The following TNNI1 variants were observed in gnomAD, a reference collection of about 807,000 sequenced individuals.
TNNI1 encodes troponin I1, slow skeletal type.
In TNNI1, 14 loss-of-function variants were observed where a neutral mutation model predicts 26.7. That is an observed-to-expected ratio of 0.52 (90% CI 0.35 to 0.82). TNNI1 has a LOEUF of 0.82. TNNI1 is among the 40% of genes least tolerant of loss of function. The pLI, the probability that TNNI1 is intolerant of heterozygous loss-of-function variation, is 0.01. For missense variants in TNNI1, 164 were observed against 257.0 expected (o/e 0.64, Z 2.47); for synonymous variants, 79 against 98.2 (o/e 0.80, Z 1.16).
chr1:201,417,421 C>G (rs762463670), intron 2 of TNNI1, among the ~76,000 whole-genome samples: 2 of 152,172 alleles, frequency 1.3e-5, no homozygotes, highest in Non-Finnish European at 2.9e-5. Context: ...CGTAGGGTTC[C>G]AGCAACGTGA....
chr1:201,414,381 A>G, intron 5 of TNNI1, 137 bp downstream of exon 5: 1 of 701,250 alleles, frequency 1.4e-6, no homozygotes, highest in Non-Finnish European at 2.2e-6. Context: ...ATTAAATGAG[A>G]CCATGTAAGG....
intron 1 of TNNI1, among the ~76,000 whole-genome samples, chr1:201,418,312 T>C (rs1238367509): frequency 6.6e-6 from 1 of 151,760 alleles, no homozygotes; most frequent in Non-Finnish European, 1.5e-5. Flanking sequence ...CTACTAATGA[T>C]ACAAAAATTA....
intron 7 of TNNI1, 76 bp from the exon 8 acceptor site, chr1:201,410,511 G>A (rs1662614894): frequency 7.8e-7 from 1 of 1,277,390 alleles, no homozygotes; most frequent in Non-Finnish European, 1.1e-6. Context: ...CTGGGTGATA[G>A]GAAACCAGTC....
chr1:201,411,134 A>G lies in TNNI1; in HGVS notation c.456+223T>C, dbSNP rs1662626779. ...CTCCGTCTGGGGTCTAGCTTTCTTT[A>G]TGTCCTAGTTTCTTCGTCAGACTGG... On this transcript the variant is annotated intron_variant, in intron 7 of 8. Transcript: ENST00000361379. This position sits in a 1 kb window ranked among gnomAD's most constrained non-coding sequence, Gnocchi z 4.6. Among the ~76,000 whole-genome samples the G allele has an allele frequency of 6.6e-6, 1 of 152,190 alleles. No individual in the cohort carries two copies. Among genetic ancestry groups the G allele is most frequent in the South Asian group, 2.1e-4 (1 of 4,830 alleles).
At chr1:201,416,779 C>A (rs1264338430) in intron 3 of TNNI1, among the ~76,000 whole-genome samples, 1 of 152,134 alleles carries the variant, frequency 6.6e-6, no homozygotes, top group Non-Finnish European at 1.5e-5. Flanking sequence ...TAGGATGGTC[C>A]CCCCAGGACT....
At position 201,411,148 on chromosome 1, in the gene TNNI1, T is replaced by A. The variant is rs1160621624; in HGVS notation, c.456+209A>T. Among the ~76,000 whole-genome samples, 3 of 152,226 alleles carry A rather than the reference T, an allele frequency of 2.0e-5. No individual in the cohort carries two copies. The highest frequency in any genetic ancestry group is 4.4e-5 in the Non-Finnish European group (3 of 68,038). On this transcript the variant is annotated intron_variant, in intron 7 of 8. Transcript: ENST00000361379. This position sits in a 1 kb window ranked among gnomAD's most constrained non-coding sequence, Gnocchi z 4.6. ...TAGCTTTCTTTATGTCCTAGTTTCT[T>A]CGTCAGACTGGGAACAGCCTGAAGG...
intron 8 of TNNI1, 67 bp downstream of exon 8, chr1:201,410,259 T>G: frequency 7.1e-7 from 1 of 1,415,082 alleles, no homozygotes; most frequent in South Asian, 1.2e-5. Flanking sequence ...CGCCTGCCCA[T>G]TGTGGACTCC....
In TNNI1 at chr1:201,406,271, G is replaced by A. The variant is rs1213496223; in HGVS notation, c.*2982C>T. 2 of 152,060 alleles carry A rather than the reference G, an allele frequency of 1.3e-5. No individual in the cohort carries two copies. Among genetic ancestry groups the A allele is most frequent in the African/African-American group, 4.8e-5 (2 of 41,346 alleles). The allele number at this position is 152,060 out of a possible 1,614,324, so 9.4% of individuals were successfully genotyped here. A position where few individuals can be genotyped will look rare whatever the true frequency, so the allele number is the denominator to read the frequency against. ...CATCTGTAAATTTGAGCTAACAAAT[G>A]TACCATTTTTGTGAGAATGCAATGA... On this transcript the variant is annotated 3_prime_UTR_variant, in exon 9 of 9. Coordinates refer to ENST00000361379, the MANE Select transcript of TNNI1 (RefSeq NM_003281.4).
At position 201,414,493 on chromosome 1, in the gene TNNI1, G is replaced by C. The variant is rs950673240; in HGVS notation, c.189+25C>G. 9.1e-6 allele frequency: 14 copies of C among 1,545,304 alleles called. No individual in the cohort carries two copies. The Admixed American group carries it at 9.4e-5, about 10-fold the overall frequency. On this transcript the variant is annotated intron_variant, in intron 5 of 8. Coordinates refer to ENST00000361379, the MANE Select transcript of TNNI1 (RefSeq NM_003281.4). ...CACACAGCACCTCCAGCCCCACCCTGCCCCGCCCCACCTGCCAGGCTAACC... is the reference window on the plus strand; with the variant it reads ...CACACAGCACCTCCAGCCCCACCCTCCCCCGCCCCACCTGCCAGGCTAACC...
At chr1:201,415,517 G>A (rs144028526) in intron 3 of TNNI1, among the ~76,000 whole-genome samples, 1 of 152,250 alleles carries the variant, frequency 6.6e-6, no homozygotes, top group African/African-American at 2.4e-5. Flanking sequence ...AAGATACTAT[G>A]AGGGCCACAT....
At chr1:201,414,345 T>C (rs1483524287) in intron 5 of TNNI1, among the ~76,000 whole-genome samples, 173 bp downstream of exon 5, 1 of 152,256 alleles carries the variant, frequency 6.6e-6, no homozygotes, top group Non-Finnish European at 1.5e-5. Context: ...GAATCTAATG[T>C]TCCCACCTCA....
At position 201,414,666 on chromosome 1, in the gene TNNI1, T is replaced by C; in HGVS notation, c.58-17A>G. Reference sequence around the variant, plus strand: ...CATCAGGCTCTGGACAGGACACACCTGCTGAGCTGGGGGCCTCACATCTCC... The same window carrying C: ...CATCAGGCTCTGGACAGGACACACCCGCTGAGCTGGGGGCCTCACATCTCC... On this transcript the variant is annotated splice_polypyrimidine_tract_variant and intron_variant, in intron 4 of 8. Transcript: ENST00000361379. 6.2e-7 allele frequency: 1 copy of C among 1,608,864 alleles called. No individual in the cohort carries two copies. Among genetic ancestry groups the C allele is most frequent in the South Asian group, 1.1e-5 (1 of 90,212 alleles).
chr1:201,410,344 G>T lies in TNNI1; in HGVS notation c.548C>A (p.Ser183Tyr), dbSNP rs753583757. 8.7e-6 allele frequency: 14 copies of T among 1,614,006 alleles called. No individual in the cohort carries two copies. The highest frequency in any genetic ancestry group is 1.2e-5 in the Non-Finnish European group (14 of 1,180,024). ...GRKKMFDAAK[S>Y]PTSQ is the part of the protein sequence containing the mutation. ...TAGGTACCTCTATTGTGAGGTCGGA[G>T]ACTTGGCGGCATCAAACATCTTCTT... The change falls in exon 8 of 9, where the codon TCT (serine) becomes TAT (tyrosine). Residue 183 changes from serine to tyrosine, a missense_variant. This residue lies in a region of TNNI1 where 43 missense variants were observed against 74.3 expected (regional missense o/e 0.58). Coordinates refer to ENST00000361379, the MANE Select transcript of TNNI1 (RefSeq NM_003281.4).
At chr1:201,412,989 C>T (rs970597666) in intron 6 of TNNI1, 43 bp downstream of exon 6, 1 of 1,597,946 alleles carries the variant, frequency 6.3e-7, no homozygotes, top group Non-Finnish European at 8.6e-7. Flanking sequence ...CATGCCCCTG[C>T]CCAACCCATT....
In TNNI1 at chr1:201,405,962, C is replaced by G. The variant is rs918915699; in HGVS notation, c.*3291G>C. On this transcript the variant is annotated 3_prime_UTR_variant, in exon 9 of 9. Transcript: ENST00000361379. ...TATCCCTCCACTCTCAGCCAGGGCC[C>G]CATGTTGGAGGAAGGCCTCACCTTA... The G allele has an allele frequency of 6.6e-6, 1 of 152,574 alleles. No homozygotes were observed. Among genetic ancestry groups the G allele is most frequent in the Non-Finnish European group, 1.5e-5 (1 of 68,314 alleles). 9.5% of individuals were successfully genotyped at this position (152,574 alleles called of 1,614,324 possible).
intron 1 of TNNI1, 51 bp from the exon 2 acceptor site, chr1:201,417,863 C>T (rs1258020414): frequency 3.1e-6 from 4 of 1,287,304 alleles, no homozygotes; most frequent in Admixed American, 3.1e-5. Flanking sequence ...ACCCCTGCCC[C>T]TGCCCAGCTG....
chr1:201,417,209 TCA>T, intron 2 of TNNI1, 90 bp from the exon 3 acceptor site: 1 of 1,565,102 alleles, frequency 6.4e-7, no homozygotes, highest in African/African-American at 1.4e-5. Context: ...TCGCAGAACC[TCA>T]CAGACCAGCT....
At position 201,409,085 on chromosome 1, in the gene TNNI1, C is replaced by T. The variant is rs1662586407; in HGVS notation, c.*168G>A. 6.6e-6 allele frequency: 1 copy of T among 152,204 alleles called. No individual in the cohort carries two copies. The highest frequency in any genetic ancestry group is 2.4e-5 in the African/African-American group (1 of 41,432). The allele number at this position is 152,204 out of a possible 1,614,324, so 9.4% of individuals were successfully genotyped here. The stretch of plus-strand genomic sequence containing the variant: ...TCAGACACTCGCGTTTTTCCTGCCT[C>T]TTGGGTATCTGTTTAATCCCAGTTC... On this transcript the variant is annotated 3_prime_UTR_variant, in exon 9 of 9. Coordinates refer to ENST00000361379, the MANE Select transcript of TNNI1 (RefSeq NM_003281.4).
chr1:201,409,015 G>A lies in TNNI1; in HGVS notation c.*238C>T, dbSNP rs922295693. On this transcript the variant is annotated 3_prime_UTR_variant, in exon 9 of 9. Coordinates refer to ENST00000361379, the MANE Select transcript of TNNI1 (RefSeq NM_003281.4). ...CCACGGGGTGGCTGAGAAGCCCCAG[G>A]TGCCTCATGGGTGGATAGAAGCCCA... The A allele has an allele frequency of 6.6e-6, 1 of 152,228 alleles. No homozygotes were observed. The highest frequency in any genetic ancestry group is 1.9e-4 in the East Asian group (1 of 5,194). The allele number at this position is 152,228 out of a possible 1,614,324, so 9.4% of individuals were successfully genotyped here.
Sources: gnomAD v4.1 joint callset for allele counts (sites outside exome capture counted in the v4.1 genomes callset) on GRCh38, gnomAD v4.1.1 for gene constraint, gnomAD v4.1.1 regional missense constraint, Gnocchi (gnomAD v3.1) non-coding constraint, MANE v1.5 for transcripts, NCBI Gene and HGNC (gene_info 2026-07-23, HGNC 2026-07-21) for gene names.